NXN: variants seen among roughly 807,000 people sequenced by gnomAD.
NXN encodes nucleoredoxin 1.
NXN carries 16 observed loss-of-function variants against 48.6 expected under a neutral mutation model. The observed-to-expected ratio is 0.33, with a 90% CI of 0.22 to 0.50. The LOEUF (loss-of-function observed/expected upper bound fraction) is 0.50. Ranked by LOEUF, NXN falls within the 20% of genes least tolerant of loss-of-function variation. The probability of loss-of-function intolerance (pLI) is 0.98; values close to 1 mark genes in which losing one functional copy is unlikely to be tolerated. For missense variants in NXN, 492 were observed against 605.5 expected, an observed-to-expected ratio of 0.81 and a Z score of 1.97; for synonymous variants, 281 against 269.6, an observed-to-expected ratio of 1.04 and a Z score of -0.41.
chr17:842,464 C>T, intron 1 of NXN: 1 of 969,224 alleles, frequency 1.0e-6, no homozygotes, highest in African/African-American at 1.8e-5. Context: ...CGGGGAAGGC[C>T]ACGTGGGTTA....
chr17:974,756 T>C (rs1415238313), intron 1 of NXN, among the ~76,000 whole-genome samples: 8 of 152,068 alleles, frequency 5.3e-5, no homozygotes, highest in Admixed American at 5.2e-4. Flanking sequence ...AAAAAATATA[T>C]TACAAATGAT....
At chr17:859,872 G>A (rs994161409) in intron 1 of NXN, among the ~76,000 whole-genome samples, 5 of 152,288 alleles carry the variant, frequency 3.3e-5, no homozygotes, top group Non-Finnish European at 7.3e-5. Flanking sequence ...TTAACAGAGG[G>A]AAGAGCAGGA....
At chr17:812,222 T>C (rs1912097252) in intron 5 of NXN, among the ~76,000 whole-genome samples, 2 of 152,224 alleles carry the variant, frequency 1.3e-5, no homozygotes, top group African/African-American at 4.8e-5. Context: ...CCACTGCGCG[T>C]GGCCTGGGTT....
rs969117799 is a variant in NXN, at chr17:902,619, A to G, written c.361-76541T>C. ...TACTTTCTTCCCTCCAAACCTGTTT[A>G]CGAAGGAGACGTGAGGAAAAAAGGT... On this transcript the variant is annotated intron_variant, in intron 1 of 7. Transcript: ENST00000336868. 9.5e-4 allele frequency among the ~76,000 whole-genome samples: 145 copies of G among 152,214 alleles called. 1 individual carries two copies. The highest frequency in any genetic ancestry group is 2.6e-4 in the Non-Finnish European group (18 of 68,020).
chr17:868,965 C>T (rs1365861925), intron 1 of NXN, among the ~76,000 whole-genome samples: 4 of 152,168 alleles, frequency 2.6e-5, no homozygotes, highest in Non-Finnish European at 5.9e-5. Flanking sequence ...ACAGAAAACA[C>T]GGAGGCTGAG....
At chr17:802,656 G>A (rs1911266297) in intron 7 of NXN, among the ~76,000 whole-genome samples, 1 of 152,160 alleles carries the variant, frequency 6.6e-6, no homozygotes, top group Non-Finnish European at 1.5e-5. Context: ...GCAGTGGCCA[G>A]TGCCACCCCG....
intron 1 of NXN, among the ~76,000 whole-genome samples, chr17:916,591 G>T (rs2068690727): frequency 6.6e-6 from 1 of 152,164 alleles, no homozygotes; most frequent in South Asian, 2.1e-4. Flanking sequence ...TTAAGTGTTT[G>T]GGGATCCCAG....
chr17:917,841 AG>A lies in NXN; in HGVS notation c.360+61477del, dbSNP rs553147622. On this transcript the variant is annotated intron_variant, in intron 1 of 7. Coordinates refer to ENST00000336868, the MANE Select transcript of NXN (RefSeq NM_022463.5). The surrounding 1 kb of genome is among the most constrained non-coding windows in gnomAD (Gnocchi z 4.5). ...TGGGAAAGGGGATAAGCGACAGGAG[AG>A]GGGGGACTCCCGTTCCAAACAAAGG... 9.9e-5 allele frequency among the ~76,000 whole-genome samples: 15 copies of A among 152,260 alleles called. No individual in the cohort carries two copies. Among genetic ancestry groups the A allele is most frequent in the South Asian group, 4.2e-4 (2 of 4,816 alleles).
chr17:926,821 C>T (rs79813529), intron 1 of NXN, among the ~76,000 whole-genome samples: 1 of 151,836 alleles, frequency 6.6e-6, no homozygotes, highest in Non-Finnish European at 1.5e-5. Flanking sequence ...GGATTCCAGG[C>T]GTGAGCCAAC....
At chr17:881,608 C>T (rs1263690444) in intron 1 of NXN, among the ~76,000 whole-genome samples, 1 of 152,116 alleles carries the variant, frequency 6.6e-6, no homozygotes, top group Non-Finnish European at 1.5e-5. Context: ...CAGAATTCTA[C>T]CGCTCAGGAT....
At chr17:823,891 G>A (rs1597631535) in intron 2 of NXN, 126 bp from the exon 3 acceptor site, 1 of 862,660 alleles carries the variant, frequency 1.2e-6, no homozygotes, top group East Asian at 2.6e-5. Context: ...AGAGCGGCAG[G>A]CGTGACAAGA....
intron 1 of NXN, among the ~76,000 whole-genome samples, chr17:914,334 T>G (rs2068665520): frequency 7.0e-6 from 1 of 142,688 alleles, no homozygotes; most frequent in Non-Finnish European, 1.6e-5. Context: ...CACGCCCAGC[T>G]AATTTTTGTA....
At chr17:857,354 G>A (rs58873302) in intron 1 of NXN, among the ~76,000 whole-genome samples, 40,571 of 151,998 alleles carry the variant, frequency 0.27, 6,413 homozygotes, top group African/African-American at 0.44. Flanking sequence ...TCCGCCTCCT[G>A]GGCTCAAGGG....
intron 1 of NXN, among the ~76,000 whole-genome samples, chr17:909,460 T>C (rs1455640299): frequency 6.6e-6 from 1 of 151,864 alleles, no homozygotes; most frequent in African/African-American, 2.4e-5. Context: ...AAACCTGTTC[T>C]GACATGAGAA....
intron 1 of NXN, among the ~76,000 whole-genome samples, chr17:850,106 C>T (rs1485380306): frequency 6.6e-6 from 1 of 152,160 alleles, no homozygotes; most frequent in Non-Finnish European, 1.5e-5. Flanking sequence ...GTACGTGGGT[C>T]TGTGTGTGTG....
chr17:883,359 C>A (rs377417940), intron 1 of NXN, among the ~76,000 whole-genome samples: 15 of 152,286 alleles, frequency 9.8e-5, no homozygotes, highest in Non-Finnish European at 1.3e-4. Flanking sequence ...CCCTGCCCCC[C>A]GCCCAGAACT....
At position 920,813 on chromosome 17, in the gene NXN, C is replaced by T. The variant is rs181809972; in HGVS notation, c.360+58506G>A. Among the ~76,000 whole-genome samples, 51 of 151,510 alleles carry T rather than the reference C, an allele frequency of 3.4e-4. No homozygotes were observed. The highest frequency in any genetic ancestry group is 6.0e-4 in the Non-Finnish European group (41 of 67,846). On this transcript the variant is annotated intron_variant, in intron 1 of 7. Transcript: ENST00000336868. The surrounding 1 kb of genome is among the most constrained non-coding windows in gnomAD (Gnocchi z 4.6). ...TCTCGGCTCGCTGCAACCTCTGCCT[C>T]CCGGGTTCAAGCGATTCTCTTGCCT... is the stretch of plus-strand genomic sequence containing the variant.
chr17:895,040 T>A, intron 1 of NXN, among the ~76,000 whole-genome samples: 1 of 99,122 alleles, frequency 1.0e-5, no homozygotes, highest in Admixed American at 1.6e-4. Context: ...TTTTTGAGAC[T>A]AAATCTCACT....
chr17:815,799 G>A (rs1912440284), intron 5 of NXN, among the ~76,000 whole-genome samples: 1 of 152,236 alleles, frequency 6.6e-6, no homozygotes, highest in African/African-American at 2.4e-5. Flanking sequence ...TCCGGATCAT[G>A]TGTGAGGGGT....
Sources: gnomAD v4.1 joint callset for allele counts (sites outside exome capture counted in the v4.1 genomes callset) on GRCh38, gnomAD v4.1.1 for gene constraint, Gnocchi (gnomAD v3.1) non-coding constraint, MANE v1.5 for transcripts, NCBI Gene and HGNC (gene_info 2026-07-23, HGNC 2026-07-21) for gene names.